Variants in NLRP13 observed in about 807,000 individuals in gnomAD.
NLRP13 encodes the protein NACHT, LRR and PYD domains-containing protein 13.
In NLRP13, 82 loss-of-function variants were observed where a neutral mutation model predicts 94.4. The ratio of observed to expected loss-of-function variants is 0.87; its 90% CI spans 0.73 to 1.04. The LOEUF (loss-of-function observed/expected upper bound fraction) is 1.04, where lower values mean the gene tolerates loss of function less well. Among genes scored for constraint, NLRP13 ranks in the 50% least tolerant of loss-of-function variants. NLRP13 has a pLI of 0.00. For synonymous variants in NLRP13, 553 were observed against 464.7 expected (o/e 1.19, Z -2.45); for missense variants, 1,426 against 1,230.8 (o/e 1.16, Z -2.37).
At chr19:55,910,982 C>G (rs892284013) in intron 5 of NLRP13, among the ~76,000 whole-genome samples, 4 of 152,048 alleles carry the variant, frequency 2.6e-5, no homozygotes, top group African/African-American at 9.7e-5. Flanking sequence ...TGTAGTGGTG[C>G]ATGCCTGTAA....
chr19:55,932,105 G>A lies in NLRP13; in HGVS notation c.207C>T (p.Ser69=), dbSNP rs754112769. ...TTGGGAAGTGTTCATCCAAAAGAAAGGACAGATTCAAAGGGTCGGCAGCTC... is the reference window on the plus strand; with the variant it reads ...TTGGGAAGTGTTCATCCAAAAGAAAAGACAGATTCAAAGGGTCGGCAGCTC... The part of the protein sequence containing the change: ...NLRAADPLNL[S]FLLDEHFPKG... Residue 69 remains serine (S), a synonymous_variant, in exon 1 of 11, where the codon TCC becomes TCT. Coordinates refer to ENST00000342929, the MANE Select transcript of NLRP13 (RefSeq NM_176810.2). 5 of 1,614,176 alleles carry A rather than the reference G, an allele frequency of 3.1e-6. No homozygotes were observed. Among genetic ancestry groups the A allele is most frequent in the Non-Finnish European group, 4.2e-6 (5 of 1,180,040 alleles).
chr19:55,899,445 G>A (rs976440330), intron 9 of NLRP13, among the ~76,000 whole-genome samples: 1 of 152,050 alleles, frequency 6.6e-6, no homozygotes, highest in African/African-American at 2.4e-5. Flanking sequence ...AGCGACAGGA[G>A]GAGAAAGAGT....
chr19:55,918,640 C>CTGGGAACAT (rs1568443525), intron 4 of NLRP13, among the ~76,000 whole-genome samples: 1 of 152,044 alleles, frequency 6.6e-6, no homozygotes, highest in Non-Finnish European at 1.5e-5. Flanking sequence ...AGATAAATTT[C>CTGGGAACAT]TGGGAACATA....
At chr19:55,906,425 A>C (rs1986353580) in intron 7 of NLRP13, among the ~76,000 whole-genome samples, 1 of 151,878 alleles carries the variant, frequency 6.6e-6, no homozygotes, top group Non-Finnish European at 1.5e-5. Flanking sequence ...TGTGATAAGT[A>C]AATGCAGTAG....
chr19:55,917,524 TA>T (rs149412098), intron 4 of NLRP13, among the ~76,000 whole-genome samples: 10,064 of 151,300 alleles, frequency 0.067, 355 homozygotes, highest in Middle Eastern at 0.12. Flanking sequence ...ATATGCTGCT[TA>T]AAAAAAAACT....
At chr19:55,920,401 A>C (rs2123136894) in intron 4 of NLRP13, among the ~76,000 whole-genome samples, 1 of 152,312 alleles carries the variant, frequency 6.6e-6, no homozygotes, top group Non-Finnish European at 1.5e-5. Context: ...GATAGGAAAA[A>C]ATATTTGCAA....
rs185291574 is a variant in NLRP13, at chr19:55,905,159, G to T, written c.2448-47C>A. On this transcript the variant is annotated intron_variant, in intron 7 of 10. Coordinates refer to ENST00000342929, the MANE Select transcript of NLRP13 (RefSeq NM_176810.2). ...GGTGAGCCTCAGCCATGATGCCCAG[G>T]TTCCTCTACCTTTCTCTCTCAACCC... 7 of 1,601,786 alleles carry T rather than the reference G, an allele frequency of 4.4e-6. No homozygotes were observed. The African/African-American group carries it at 8.0e-5, about 18-fold the overall frequency.
chr19:55,907,050 C>T (rs1176495418), intron 7 of NLRP13, among the ~76,000 whole-genome samples: 1 of 152,110 alleles, frequency 6.6e-6, no homozygotes, highest in East Asian at 1.9e-4. Flanking sequence ...ACCTCCGCTC[C>T]CGGGTTCAAG....
At chr19:55,904,422 C>T (rs73609554) in intron 8 of NLRP13, among the ~76,000 whole-genome samples, 6,702 of 152,164 alleles carry the variant, frequency 0.044, 374 homozygotes, top group East Asian at 0.27. Context: ...GTTCCTTCTC[C>T]GCATACGGCT....
chr19:55,920,914 A>G (rs1986806525), intron 4 of NLRP13, among the ~76,000 whole-genome samples: 1 of 152,150 alleles, frequency 6.6e-6, no homozygotes, highest in Non-Finnish European at 1.5e-5. Context: ...ATGTATACAC[A>G]TATATACACA....
At chr19:55,894,275 C>T (rs541307464), downstream of NLRP13, among the ~76,000 whole-genome samples, 3 of 152,196 alleles carry the variant, frequency 2.0e-5, no homozygotes, top group South Asian at 2.1e-4. Context: ...CTCCTGGCCT[C>T]AAGTGATCCT....
At position 55,930,632 on chromosome 19, in the gene NLRP13, G is replaced by A. The variant is rs192503833; in HGVS notation, c.319+1361C>T. Reference sequence around the variant, plus strand: ...ACCCAGGAGGCGGAGAGTGCAGTAAGCCAAGATCACACCATTGTACTCCAG... The same window carrying A: ...ACCCAGGAGGCGGAGAGTGCAGTAAACCAAGATCACACCATTGTACTCCAG... On this transcript the variant is annotated intron_variant, in intron 1 of 10. Transcript: ENST00000342929. Among the ~76,000 whole-genome samples the A allele has an allele frequency of 2.0e-3, 270 of 137,498 alleles. 2 individuals are homozygous for A. The highest frequency in any genetic ancestry group is 8.6e-3 in the Middle Eastern group (2 of 232). The allele number at this position is 137,498 out of a possible 152,430, so 90.2% of individuals were successfully genotyped here. A position where few individuals can be genotyped will look rare whatever the true frequency, so the allele number is the denominator to read the frequency against.
chr19:55,931,736 A>AAGAAAGAAAGAAAGAAAGAC (rs1987150281), intron 1 of NLRP13, among the ~76,000 whole-genome samples: 1 of 145,106 alleles, frequency 6.9e-6, no homozygotes. Context: ...GAAAGAAAGA[A>AAGAAAGAAAGAAAGAAAGAC]AGAAAGAAAA....
At chr19:55,921,617 T>C (rs1986828988) in intron 4 of NLRP13, among the ~76,000 whole-genome samples, 1 of 152,120 alleles carries the variant, frequency 6.6e-6, no homozygotes, top group Admixed American at 6.6e-5. Context: ...ATAATAAATA[T>C]TACCTGTTAT....
chr19:55,931,736 A>AAGACAGAAAGAAAGACAGAAAGAAAGAC (rs1305096324), intron 1 of NLRP13, among the ~76,000 whole-genome samples: 3 of 145,100 alleles, frequency 2.1e-5, no homozygotes, highest in African/African-American at 7.7e-5. Context: ...GAAAGAAAGA[A>AAGACAGAAAGAAAGACAGAAAGAAAGAC]AGAAAGAAAA....
intron 4 of NLRP13, among the ~76,000 whole-genome samples, chr19:55,917,756 AGT>A (rs35634824): frequency 0.34 from 51,827 of 151,726 alleles, 9,743 homozygotes; most frequent in Non-Finnish European, 0.44. Context: ...TCCATACCAG[AGT>A]ACCTAGATTC....
intron 6 of NLRP13, among the ~76,000 whole-genome samples, chr19:55,910,172 G>T (rs1051127216): frequency 3.9e-5 from 6 of 152,146 alleles, no homozygotes; most frequent in African/African-American, 1.4e-4. Flanking sequence ...CTGAATGCAG[G>T]AGTACCCATC....
chr19:55,905,169 C>A (rs1358846232), intron 7 of NLRP13, 57 bp from the exon 8 acceptor site: 6 of 1,587,154 alleles, frequency 3.8e-6, no homozygotes, highest in South Asian at 1.1e-5. Context: ...GTTCCTCTAC[C>A]TTTCTCTCTC....
At chr19:55,911,599 A>T (rs1301435432) in intron 5 of NLRP13, 107 bp downstream of exon 5, 43 of 1,079,654 alleles carry the variant, frequency 4.0e-5, no homozygotes, top group Non-Finnish European at 5.6e-5. Flanking sequence ...GTCGGAAATA[A>T]GCACGAATAC....
Sources: allele counts gnomAD v4.1 joint callset (sites outside exome capture counted in the v4.1 genomes callset), GRCh38; gene constraint gnomAD v4.1.1; transcripts MANE v1.5; gene names NCBI Gene and HGNC (gene_info 2026-07-23, HGNC 2026-07-21).